The following DIXDC1 variants were observed in gnomAD, a reference collection of about 807,000 sequenced individuals.
The protein encoded by DIXDC1 is DIX domain containing 1.
A neutral mutation model predicts 103.1 loss-of-function variants in DIXDC1; 64 were observed. The observed-to-expected ratio is 0.62, with a 90% CI of 0.51 to 0.76. The LOEUF (loss-of-function observed/expected upper bound fraction) is 0.76. DIXDC1 is among the 30% of genes least tolerant of loss of function. DIXDC1 has a pLI of 0.00. For missense variants in DIXDC1, 759 were observed against 834.2 expected, an observed-to-expected ratio of 0.91 and a Z score of 1.11; for synonymous variants, 266 against 298.5, an observed-to-expected ratio of 0.89 and a Z score of 1.12.
intron 19 of DIXDC1, 137 bp from the exon 20 acceptor site, chr11:112,018,819 G>A (rs1861673884): frequency 4.8e-6 from 3 of 627,548 alleles, no homozygotes; most frequent in Non-Finnish European, 8.1e-6. Context: ...GCAGTTCTAG[G>A]GACAAGACCA....
chr11:111,995,736 G>A (rs1860877250), intron 16 of DIXDC1, among the ~76,000 whole-genome samples, 172 bp downstream of exon 16: 1 of 151,724 alleles, frequency 6.6e-6, no homozygotes, highest in Non-Finnish European at 1.5e-5. Flanking sequence ...ATCATGGTAT[G>A]ACAATCCAGA....
intron 1 of DIXDC1, among the ~76,000 whole-genome samples, chr11:111,929,527 G>C (rs1297215044): frequency 5.4e-5 from 8 of 148,732 alleles, no homozygotes; most frequent in African/African-American, 2.0e-4. Flanking sequence ...AGGCTGCAGT[G>C]AGTTATGACA....
At chr11:111,964,079 T>C (rs186601160) in intron 1 of DIXDC1, among the ~76,000 whole-genome samples, 4 of 152,344 alleles carry the variant, frequency 2.6e-5, no homozygotes, top group Non-Finnish European at 4.4e-5. Flanking sequence ...CATGGTTTAT[T>C]GTTTATTCCT....
chr11:111,954,108 G>T (rs1386602989), intron 1 of DIXDC1, among the ~76,000 whole-genome samples: 3 of 151,960 alleles, frequency 2.0e-5, no homozygotes, highest in African/African-American at 7.3e-5. Context: ...CTTTATTTTT[G>T]TATTATTACA....
intron 17 of DIXDC1, among the ~76,000 whole-genome samples, chr11:112,016,473 A>C (rs1555177727): frequency 6.6e-6 from 1 of 152,128 alleles, no homozygotes; most frequent in Non-Finnish European, 1.5e-5. Context: ...ACTATGAGTG[A>C]GGAGTGATGA....
chr11:112,014,735 T>TA (rs1166228562), intron 17 of DIXDC1, among the ~76,000 whole-genome samples: 1 of 152,220 alleles, frequency 6.6e-6, no homozygotes, highest in African/African-American at 2.4e-5. Context: ...CAGTAGGTAA[T>TA]AAATGTTTGT....
chr11:111,962,691 G>A lies in DIXDC1; in HGVS notation c.61-1858G>A, dbSNP rs933621058. On this transcript the variant is annotated intron_variant, in intron 1 of 19. Transcript: ENST00000440460. Reference sequence around the variant, plus strand: ...TGAGGATAATTGGAGACAAGTAACAGATTTTAAGCAGGAATGTGTGGAGGG... The same window carrying A: ...TGAGGATAATTGGAGACAAGTAACAAATTTTAAGCAGGAATGTGTGGAGGG... 2.6e-5 allele frequency among the ~76,000 whole-genome samples: 4 copies of A among 152,178 alleles called. No homozygotes were observed. In the East Asian group the frequency reaches 5.8e-4, roughly 22 times the overall value.
intron 9 of DIXDC1, among the ~76,000 whole-genome samples, chr11:111,987,936 C>T (rs1555174066): frequency 6.6e-6 from 1 of 150,572 alleles, no homozygotes; most frequent in African/African-American, 2.4e-5. Flanking sequence ...GGGATTACAG[C>T]GTGAGCCACT....
chr11:111,969,630 G>A (rs1313498470), intron 3 of DIXDC1, among the ~76,000 whole-genome samples: 2 of 152,180 alleles, frequency 1.3e-5, no homozygotes, highest in African/African-American at 4.8e-5. Context: ...TTCTCTTGCT[G>A]TTTCTCGAGA....
rs782819751 is a variant in DIXDC1, at chr11:112,019,066, AC to A, written c.*32del. On this transcript the variant is annotated 3_prime_UTR_variant, in exon 20 of 20. Coordinates refer to ENST00000440460, the MANE Select transcript of DIXDC1 (RefSeq NM_001037954.4). Reference sequence around the variant, plus strand: ...AAGTATCAGATTGAGGGCTTATGGAACCTGGTCACTCCCTGGCTGCTTCACT... The same window carrying A: ...AAGTATCAGATTGAGGGCTTATGGAACTGGTCACTCCCTGGCTGCTTCACT... 6.3e-7 allele frequency: 1 copy of A among 1,584,702 alleles called. No homozygotes were observed. Among genetic ancestry groups the A allele is most frequent in the East Asian group, 2.2e-5 (1 of 44,704 alleles).
At chr11:112,010,860 C>G (rs1303545351) in intron 17 of DIXDC1, among the ~76,000 whole-genome samples, 1 of 152,198 alleles carries the variant, frequency 6.6e-6, no homozygotes, top group Non-Finnish European at 1.5e-5. Context: ...TAGAAGAAAA[C>G]CGAGGCAATA....
intron 19 of DIXDC1, among the ~76,000 whole-genome samples, chr11:112,018,518 T>C (rs1176494128): frequency 6.6e-6 from 1 of 152,242 alleles, no homozygotes; most frequent in Non-Finnish European, 1.5e-5. Context: ...AACCCTGTTT[T>C]ATTAGTGGCT....
chr11:111,936,348 A>G (rs1555168092), upstream of DIXDC1, among the ~76,000 whole-genome samples: 1 of 152,230 alleles, frequency 6.6e-6, no homozygotes, highest in African/African-American at 2.4e-5. Context: ...AATCAAGGCT[A>G]TGACTTGAAT....
intron 2 of DIXDC1, among the ~76,000 whole-genome samples, chr11:111,965,306 A>G (rs1329943433): frequency 6.6e-6 from 1 of 152,144 alleles, no homozygotes; most frequent in Non-Finnish European, 1.5e-5. Flanking sequence ...TCGAATGATA[A>G]TTATGTGGTA....
chr11:111,977,514 T>C lies in DIXDC1; in HGVS notation c.656+2531T>C. ...GCAGCTTCCGCCGGGGCCGGGCTGC[T>C]GCACAGTCTGAGCGGCCGGGACTGC... On this transcript the variant is annotated intron_variant, in intron 5 of 19. Coordinates refer to ENST00000440460, the MANE Select transcript of DIXDC1 (RefSeq NM_001037954.4). This position sits in a 1 kb window ranked among gnomAD's most constrained non-coding sequence, Gnocchi z 6.1. 1 of 1,394,532 alleles carries C rather than the reference T, an allele frequency of 7.2e-7. No individual in the cohort carries two copies. Among genetic ancestry groups the C allele is most frequent in the Non-Finnish European group, 9.3e-7 (1 of 1,077,572 alleles). The allele number at this position is 1,394,532 out of a possible 1,614,324, so 86.4% of individuals were successfully genotyped here. A position where few individuals can be genotyped will look rare whatever the true frequency, so the allele number is the denominator to read the frequency against.
At chr11:111,957,512 G>T (rs1181681668) in intron 1 of DIXDC1, among the ~76,000 whole-genome samples, 2 of 152,194 alleles carry the variant, frequency 1.3e-5, no homozygotes, top group African/African-American at 4.8e-5. Context: ...AGATGTATTG[G>T]CATCATGTGC....
chr11:111,996,527 G>A lies in DIXDC1; in HGVS notation c.1756+381G>A, dbSNP rs587764823. Among the ~76,000 whole-genome samples the A allele has an allele frequency of 5.3e-5, 8 of 152,268 alleles. No individual in the cohort carries two copies. The South Asian group carries it at 1.2e-3, about 24-fold the overall frequency. ...TTCCACTTCTTCCTTGAAGCAAGGCGTTTAATTTCTTTGGAGATATTCTTA... is the reference window on the plus strand; with the variant it reads ...TTCCACTTCTTCCTTGAAGCAAGGCATTTAATTTCTTTGGAGATATTCTTA... On this transcript the variant is annotated intron_variant, in intron 17 of 19. Coordinates refer to ENST00000440460, the MANE Select transcript of DIXDC1 (RefSeq NM_001037954.4).
intron 1 of DIXDC1, among the ~76,000 whole-genome samples, chr11:111,950,570 C>T (rs1555169880): frequency 6.7e-6 from 1 of 148,724 alleles, no homozygotes; most frequent in East Asian, 2.0e-4. Flanking sequence ...ATTCTCCTGC[C>T]TCAGCCTCCC....
intron 3 of DIXDC1, among the ~76,000 whole-genome samples, chr11:111,971,404 G>A (rs1442753673): frequency 6.6e-6 from 1 of 152,166 alleles, no homozygotes; most frequent in African/African-American, 2.4e-5. Flanking sequence ...ACCACAATGA[G>A]ATACTATCTC....
Sources: gnomAD v4.1 joint callset for allele counts (sites outside exome capture counted in the v4.1 genomes callset) on GRCh38, gnomAD v4.1.1 for gene constraint, Gnocchi (gnomAD v3.1) non-coding constraint, MANE v1.5 for transcripts, NCBI Gene and HGNC (gene_info 2026-07-23, HGNC 2026-07-21) for gene names.